NCKAP5: variants seen among roughly 807,000 people sequenced by gnomAD.
NCKAP5 encodes the protein nck-associated protein 5.
In NCKAP5, 92 loss-of-function variants were observed where a neutral mutation model predicts 167.0. The ratio of observed to expected loss-of-function variants is 0.55; its 90% CI spans 0.47 to 0.66. The LOEUF (loss-of-function observed/expected upper bound fraction) is 0.66. Ranked by LOEUF, NCKAP5 falls within the 30% of genes least tolerant of loss-of-function variation. NCKAP5 has a pLI of 0.00. For missense variants in NCKAP5, 2,378 were observed against 2,315.0 expected, an observed-to-expected ratio of 1.03 and a Z score of -0.56; for synonymous variants, 891 against 877.4, an observed-to-expected ratio of 1.02 and a Z score of -0.27.
chr2:133,450,798 A>T (rs1402312157), intron 3 of NCKAP5, among the ~76,000 whole-genome samples: 1 of 152,128 alleles, frequency 6.6e-6, no homozygotes, highest in African/African-American at 2.4e-5. Context: ...CAATAATTCA[A>T]CCAAGATCTA....
rs35362695 is a variant in NCKAP5 at position 133,257,665 on chromosome 2, G to C, written c.144-43886C>G. Among the ~76,000 whole-genome samples, 633 of 152,200 alleles carry C rather than the reference G, an allele frequency of 4.2e-3. 4 individuals carry two copies. The highest frequency in any genetic ancestry group is 7.3e-3 in the Non-Finnish European group (497 of 68,006). ...GTAATCTCACATAAATAGCTGAAAG[G>C]CCAGATGCTTAACTTTGTGTACATA... is the stretch of plus-strand genomic sequence containing the variant. On this transcript the variant is annotated intron_variant, in intron 4 of 19. Coordinates refer to ENST00000409261, the MANE Select transcript of NCKAP5 (RefSeq NM_207363.3).
intron 6 of NCKAP5, among the ~76,000 whole-genome samples, chr2:133,090,848 C>T (rs991782645): frequency 4.6e-5 from 7 of 152,134 alleles, no homozygotes; most frequent in African/African-American, 1.7e-4. Context: ...TACTCAGCTT[C>T]CCTCCACTCC....
chr2:133,584,781 T>G, the NCKAP5 span, among the ~76,000 whole-genome samples: 3 of 151,590 alleles, frequency 2.0e-5, no homozygotes, highest in Non-Finnish European at 4.4e-5. Flanking sequence ...AAAATAAAAT[T>G]AAGGCAGGGA....
intron 8 of NCKAP5, among the ~76,000 whole-genome samples, chr2:132,938,130 G>A (rs1466469768): frequency 6.6e-6 from 1 of 152,132 alleles, no homozygotes; most frequent in East Asian, 1.9e-4. Context: ...CCAGTCATAG[G>A]TCTACACAGA....
chr2:133,050,022 G>A (rs2079548139), intron 6 of NCKAP5, among the ~76,000 whole-genome samples: 2 of 152,224 alleles, frequency 1.3e-5, no homozygotes, highest in African/African-American at 4.8e-5. Context: ...ATCCTTTTGA[G>A]TGGAAGGGAG....
chr2:132,760,626 T>C (rs1680923433), intron 16 of NCKAP5, among the ~76,000 whole-genome samples: 1 of 150,556 alleles, frequency 6.6e-6, no homozygotes, highest in Non-Finnish European at 1.5e-5. Context: ...CATGGTTTCA[T>C]TGAGTTTCTA....
intron 3 of NCKAP5, among the ~76,000 whole-genome samples, chr2:133,306,333 G>GA (rs1231167258): frequency 2.0e-5 from 3 of 152,158 alleles, no homozygotes; most frequent in Non-Finnish European, 4.4e-5. Flanking sequence ...AGAGTAAACT[G>GA]AAAAAATGCA....
chr2:132,715,947 G>C (rs1460854363), intron 19 of NCKAP5, among the ~76,000 whole-genome samples: 1 of 152,074 alleles, frequency 6.6e-6, no homozygotes, highest in Non-Finnish European at 1.5e-5. Context: ...TCTTTTCTTG[G>C]CTTCTTCTTG....
chr2:133,578,045 C>G, the NCKAP5 span, among the ~76,000 whole-genome samples: 3 of 152,168 alleles, frequency 2.0e-5, no homozygotes, highest in Non-Finnish European at 4.4e-5. Context: ...TTTCTATTAG[C>G]AACTTCTCAA....
chr2:132,944,063 G>C (rs920449086), intron 8 of NCKAP5, among the ~76,000 whole-genome samples: 4 of 152,236 alleles, frequency 2.6e-5, no homozygotes, highest in Non-Finnish European at 5.9e-5. Flanking sequence ...ATGGAGAAAT[G>C]AGGTCATTCA....
intron 6 of NCKAP5, among the ~76,000 whole-genome samples, chr2:133,071,302 G>A (rs1480552234): frequency 6.6e-6 from 1 of 152,108 alleles, no homozygotes; most frequent in Non-Finnish European, 1.5e-5. Context: ...AAAATTAGCC[G>A]GGCGTAGTGG....
At position 133,204,657 on chromosome 2, in the gene NCKAP5, G is replaced by A. The variant is rs376594160; in HGVS notation, c.207+9059C>T. On this transcript the variant is annotated intron_variant, in intron 5 of 19. Coordinates refer to ENST00000409261, the MANE Select transcript of NCKAP5 (RefSeq NM_207363.3). ...TTTTCTAGGACTGAAACATGTAAGT[G>A]GGATTGCTGGGTCACAGGCTGTGTT... 5.3e-5 allele frequency among the ~76,000 whole-genome samples: 8 copies of A among 152,278 alleles called. No homozygotes were observed. The East Asian group carries it at 1.2e-3, about 22-fold the overall frequency.
chr2:133,593,074 A>T, the NCKAP5 span, among the ~76,000 whole-genome samples: 1 of 152,226 alleles, frequency 6.6e-6, no homozygotes, highest in Non-Finnish European at 1.5e-5. Flanking sequence ...AATAGTTCAC[A>T]GTGTTTATAA....
At chr2:133,289,276 A>G (rs932798706) in intron 4 of NCKAP5, among the ~76,000 whole-genome samples, 1 of 152,160 alleles carries the variant, frequency 6.6e-6, no homozygotes, top group African/African-American at 2.4e-5. Flanking sequence ...TAATAAAATA[A>G]TCATAATTTA....
intron 6 of NCKAP5, among the ~76,000 whole-genome samples, chr2:133,127,026 T>C (rs1559166313): frequency 6.6e-6 from 1 of 151,990 alleles, no homozygotes. Flanking sequence ...CCAGATATCA[T>C]CATGCACAAA....
chr2:132,771,839 ATTTTTTT>A lies in NCKAP5; in HGVS notation c.5128+1970_5128+1976del, dbSNP rs70973406. On this transcript the variant is annotated intron_variant, in intron 16 of 19. Transcript: ENST00000409261. ...AGGCACCCACAACCACGCCCGGCTA[ATTTTTTT>A]TTTTTTTTTTTTTTTTTTGTATTTT... 5.6e-4 allele frequency among the ~76,000 whole-genome samples: 56 copies of A among 100,764 alleles called. No individual in the cohort carries two copies. The East Asian group carries it at 7.2e-3, about 13-fold the overall frequency. 66.1% of individuals were successfully genotyped at this position (100,764 alleles called of 152,430 possible). A position where few individuals can be genotyped will look rare whatever the true frequency, so the allele number is the denominator to read the frequency against.
intron 3 of NCKAP5, among the ~76,000 whole-genome samples, chr2:133,437,445 G>A (rs559514590): frequency 1.2e-4 from 18 of 152,172 alleles, no homozygotes; most frequent in African/African-American, 3.1e-4. Context: ...AAAGGCTGGC[G>A]TAAAAAACTG....
chr2:133,323,475 C>T (rs1399907312), intron 3 of NCKAP5, among the ~76,000 whole-genome samples: 2 of 152,156 alleles, frequency 1.3e-5, no homozygotes, highest in African/African-American at 2.4e-5. Flanking sequence ...GCTTGGGTCA[C>T]GGTAATACTG....
At chr2:132,859,965 T>C (rs114817543) in intron 11 of NCKAP5, among the ~76,000 whole-genome samples, 2,471 of 152,218 alleles carry the variant, frequency 0.016, 60 homozygotes, top group African/African-American at 0.055. Context: ...AAAAAAATAG[T>C]TCAGTGAGAG....
Sources: gnomAD v4.1 joint callset for allele counts (sites outside exome capture counted in the v4.1 genomes callset) on GRCh38, gnomAD v4.1.1 for gene constraint, MANE v1.5 for transcripts, NCBI Gene and HGNC (gene_info 2026-07-23, HGNC 2026-07-21) for gene names.